Variants in DPYSL3 observed in about 807,000 individuals in gnomAD.
DPYSL3 encodes dihydropyrimidinase-related protein 3.
Under a neutral mutation model 66.1 loss-of-function variants are expected in DPYSL3, and 16 were observed. The ratio of observed to expected loss-of-function variants is 0.24; its 90% CI spans 0.16 to 0.37. The LOEUF (loss-of-function observed/expected upper bound fraction) is 0.37, where lower values mean the gene tolerates loss of function less well. DPYSL3 is among the 10% of genes least tolerant of loss of function. DPYSL3 has a pLI of 1.00. For synonymous variants in DPYSL3, 338 were observed against 345.1 expected (o/e 0.98, Z 0.23); for missense variants, 738 against 916.2 (o/e 0.81, Z 2.51).
chr5:147,446,880 C>T (rs1261926608), intron 1 of DPYSL3, among the ~76,000 whole-genome samples: 1 of 152,200 alleles, frequency 6.6e-6, no homozygotes, highest in African/African-American at 2.4e-5. Context: ...AATACTGACC[C>T]ACATTTAGGA....
rs753087416 is a variant in DPYSL3 at position 147,413,693 on chromosome 5, G to T, written c.821-36C>A. 4 of 1,548,942 alleles carry T rather than the reference G, an allele frequency of 2.6e-6. No individual in the cohort carries two copies. In the Admixed American group the frequency reaches 5.1e-5, roughly 20 times the overall value. ...GGGACAGGAGGAAAAACAAGAGAAA[G>T]ACAACATTATCATGACTGTCCTCCA... On this transcript the variant is annotated intron_variant, in intron 4 of 13. Transcript: ENST00000343218.
intron 1 of DPYSL3, among the ~76,000 whole-genome samples, chr5:147,491,172 G>A (rs957720474): frequency 6.6e-6 from 1 of 152,156 alleles, no homozygotes; most frequent in South Asian, 2.1e-4. Context: ...CGCAACTCCA[G>A]CACCCTCCAG....
intron 5 of DPYSL3, among the ~76,000 whole-genome samples, chr5:147,413,130 G>A (rs564647524): frequency 6.6e-6 from 1 of 152,284 alleles, no homozygotes; most frequent in South Asian, 2.1e-4. Context: ...CTCTAAGCAG[G>A]AGGCATGGGA....
At chr5:147,477,453 A>G (rs1159550192) in intron 1 of DPYSL3, among the ~76,000 whole-genome samples, 1 of 151,720 alleles carries the variant, frequency 6.6e-6, no homozygotes, top group Non-Finnish European at 1.5e-5. Context: ...GGCAATATTC[A>G]CAGAGATAAT....
intron 2 of DPYSL3, among the ~76,000 whole-genome samples, chr5:147,418,859 C>T (rs74570804): frequency 0.024 from 3,597 of 152,208 alleles, 155 homozygotes; most frequent in African/African-American, 0.083. Flanking sequence ...GGTGGGACCA[C>T]GTGTCCTGGT....
At chr5:147,434,068 A>G (rs889995736) in intron 1 of DPYSL3, among the ~76,000 whole-genome samples, 1 of 151,874 alleles carries the variant, frequency 6.6e-6, no homozygotes, top group Non-Finnish European at 1.5e-5. Context: ...GGTATTACAC[A>G]TATTACTACT....
chr5:147,508,787 C>T (rs563566074), intron 1 of DPYSL3, among the ~76,000 whole-genome samples: 12 of 152,220 alleles, frequency 7.9e-5, no homozygotes, highest in Non-Finnish European at 1.8e-4. Flanking sequence ...AAATATAATG[C>T]TATTCTTGCA....
chr5:147,423,925 C>A (rs58013114), intron 2 of DPYSL3, among the ~76,000 whole-genome samples: 1 of 152,028 alleles, frequency 6.6e-6, no homozygotes, highest in Non-Finnish European at 1.5e-5. Context: ...ACCATGTTGC[C>A]CAGGCTGATC....
rs1451877544 is a variant in DPYSL3, at chr5:147,401,580, C to T, written c.1270G>A (p.Asp424Asn). The change falls in exon 9 of 14, where the codon GAC (aspartate) becomes AAC (asparagine). Residue 424 changes from aspartate (D) to asparagine (N), a missense_variant. Transcript: ENST00000343218. Reference sequence around the variant, plus strand: ...TTGATGTAGTCCGGAGTAGTTGGGTCAGGGCTCAGGGGTGGGGATGTCACA... The same window carrying T: ...TTGATGTAGTCCGGAGTAGTTGGGTTAGGGCTCAGGGGTGGGGATGTCACA... ...AFVTSPPLSP[D>N]PTTPDYINSL... 3 of 1,613,622 alleles carry T rather than the reference C, an allele frequency of 1.9e-6. No individual in the cohort carries two copies. The highest frequency in any genetic ancestry group is 2.5e-6 in the Non-Finnish European group (3 of 1,179,830).
rs750491149 is a variant in DPYSL3 at position 147,408,829 on chromosome 5, AG to A, written c.964-34del. 2.5e-6 allele frequency: 4 copies of A among 1,611,560 alleles called. No homozygotes were observed. The African/African-American group carries it at 5.3e-5, about 22-fold the overall frequency. ...GAAAAAAGAAAATAGTTCTTCAATA[AG>A]CTCAAGTGAGATTTGGAAAAATTAC... On this transcript the variant is annotated intron_variant, in intron 6 of 13. Coordinates refer to ENST00000343218, the MANE Select transcript of DPYSL3 (RefSeq NM_001197294.2).
intron 1 of DPYSL3, among the ~76,000 whole-genome samples, chr5:147,484,438 A>C (rs1753297312): frequency 6.6e-6 from 1 of 152,258 alleles, no homozygotes; most frequent in African/African-American, 2.4e-5. Flanking sequence ...ATGAGGAGAC[A>C]GGACTTGAAA....
intron 11 of DPYSL3, among the ~76,000 whole-genome samples, chr5:147,398,817 G>T (rs906632601): frequency 6.6e-6 from 1 of 152,166 alleles, no homozygotes; most frequent in Non-Finnish European, 1.5e-5. Flanking sequence ...ATGTTCCCCT[G>T]TCTCAGCAAT....
Position 147,394,145 on chromosome 5 carries a change from CA to C in DPYSL3, c.1967-23del, listed in dbSNP as rs764061728. On this transcript the variant is annotated intron_variant, in intron 13 of 13. Transcript: ENST00000343218. Reference sequence around the variant, plus strand: ...GTGCCTACAGTTGGAAATAAATTCCCAGGGGGAAAAAAAAAACAGAGTGGCG... The same window carrying C: ...GTGCCTACAGTTGGAAATAAATTCCCGGGGGAAAAAAAAAACAGAGTGGCG... The C allele has an allele frequency of 7.5e-6, 12 of 1,608,932 alleles. No individual in the cohort carries two copies. The East Asian group carries it at 9.0e-5, about 12-fold the overall frequency.
intron 1 of DPYSL3, among the ~76,000 whole-genome samples, chr5:147,463,409 C>A (rs937837367): frequency 6.6e-6 from 1 of 152,084 alleles, no homozygotes; most frequent in Non-Finnish European, 1.5e-5. Context: ...TATATATAGA[C>A]CCTAGGCAGC....
intron 1 of DPYSL3, among the ~76,000 whole-genome samples, chr5:147,473,936 T>C (rs1753120261): frequency 6.6e-6 from 1 of 152,172 alleles, no homozygotes; most frequent in African/African-American, 2.4e-5. Context: ...ATACTGTAAC[T>C]TAAATGCAGT....
intron 1 of DPYSL3, among the ~76,000 whole-genome samples, chr5:147,428,927 C>A (rs536641279): frequency 6.6e-6 from 1 of 152,088 alleles, no homozygotes; most frequent in East Asian, 1.9e-4. Context: ...ATGTAACAAA[C>A]CTGTGCATCC....
intron 1 of DPYSL3, among the ~76,000 whole-genome samples, chr5:147,493,744 T>C (rs951099912): frequency 1.3e-4 from 20 of 152,200 alleles, no homozygotes; most frequent in Non-Finnish European, 1.5e-5. Context: ...ACAGATGAAC[T>C]GTTCAACAAG....
At chr5:147,411,110 T>C (rs1213131984) in intron 6 of DPYSL3, among the ~76,000 whole-genome samples, 1 of 152,164 alleles carries the variant, frequency 6.6e-6, no homozygotes, top group Non-Finnish European at 1.5e-5. Context: ...CCCTGAAAAC[T>C]TGGATAAAGG....
At chr5:147,452,048 C>T (rs1221592531) in intron 1 of DPYSL3, among the ~76,000 whole-genome samples, 1 of 152,178 alleles carries the variant, frequency 6.6e-6, no homozygotes, top group East Asian at 1.9e-4. Context: ...AACTCTTCTC[C>T]CTGGGGAGTG....
Sources: allele counts gnomAD v4.1 joint callset (sites outside exome capture counted in the v4.1 genomes callset), GRCh38; gene constraint gnomAD v4.1.1; transcripts MANE v1.5; gene names NCBI Gene and HGNC (gene_info 2026-07-23, HGNC 2026-07-21).